Variants in RASA1 observed in about 807,000 individuals in gnomAD.
The protein encoded by RASA1 is RAS p21 protein activator 1.
A neutral mutation model predicts 132.2 loss-of-function variants in RASA1; 25 were observed. The ratio of observed to expected loss-of-function variants is 0.19; its 90% CI spans 0.14 to 0.26. The LOEUF (loss-of-function observed/expected upper bound fraction) is 0.26, where lower values mean the gene tolerates loss of function less well. Ranked by LOEUF, RASA1 falls within the 10% of genes least tolerant of loss-of-function variation. The pLI, the probability that RASA1 is intolerant of heterozygous loss-of-function variation, is 1.00. For missense variants in RASA1, 964 were observed against 1,299.2 expected (o/e 0.74, Z 3.97); for synonymous variants, 477 against 449.9 (o/e 1.06, Z -0.76).
At chr5:87,357,269 T>A (rs1374597662) in intron 9 of RASA1, among the ~76,000 whole-genome samples, 3 of 152,114 alleles carry the variant, frequency 2.0e-5, no homozygotes, top group Non-Finnish European at 4.4e-5. Flanking sequence ...GTGTATTTTT[T>A]AAATAACATG....
chr5:87,372,239 C>CGT, intron 13 of RASA1, 44 bp downstream of exon 13: 1 of 1,546,970 alleles, frequency 6.5e-7, no homozygotes, highest in East Asian at 2.3e-5. Flanking sequence ...ACATTTTGCT[C>CGT]TAACACTTTG....
rs537830383 is a variant in RASA1 at position 87,366,485 on chromosome 5, T to C, written c.1610+2981T>C. On this transcript the variant is annotated intron_variant, in intron 11 of 24. Coordinates refer to ENST00000274376, the MANE Select transcript of RASA1 (RefSeq NM_002890.3). ...AGCACAAGTTGAAGATTGTGAATGA[T>C]TCCTATTCTGGTTAGTAACAAGAAA... The C allele has an allele frequency of 1.6e-5, 4 of 256,670 alleles. No homozygotes were observed. The East Asian group carries it at 3.5e-4, about 23-fold the overall frequency. 15.9% of individuals were successfully genotyped at this position (256,670 alleles called of 1,614,324 possible). A position where few individuals can be genotyped will look rare whatever the true frequency, so the allele number is the denominator to read the frequency against.
chr5:87,316,059 C>T (rs1756310170), intron 1 of RASA1, among the ~76,000 whole-genome samples: 2 of 152,166 alleles, frequency 1.3e-5, no homozygotes, highest in South Asian at 2.1e-4. Context: ...TTTAAACTCA[C>T]ATTTTTGGAT....
intron 7 of RASA1, 27 bp downstream of exon 7, chr5:87,346,751 A>G (rs372279420): frequency 5.8e-5 from 86 of 1,470,906 alleles, no homozygotes; most frequent in Non-Finnish European, 7.3e-5. Flanking sequence ...TTGCTTTTCT[A>G]ATGTCTATTT....
At chr5:87,292,367 CTTTTTTTTT>C (rs76957126) in intron 1 of RASA1, among the ~76,000 whole-genome samples, 1 of 120,226 alleles carries the variant, frequency 8.3e-6, no homozygotes, top group Non-Finnish European at 1.8e-5. Flanking sequence ...TGTTTACATT[CTTTTTTTTT>C]TTTTTTTTGT....
chr5:87,379,037 CAT>C (rs1345930852), intron 18 of RASA1, among the ~76,000 whole-genome samples: 1 of 152,126 alleles, frequency 6.6e-6, no homozygotes, highest in Non-Finnish European at 1.5e-5. Context: ...ATCTCACACA[CAT>C]ATTCTCTCAT....
intron 11 of RASA1, among the ~76,000 whole-genome samples, chr5:87,369,134 T>G (rs576591608): frequency 5.3e-5 from 8 of 152,304 alleles, no homozygotes; most frequent in South Asian, 4.1e-4. Flanking sequence ...TAACATTTAT[T>G]GAGTTCCAAA....
intron 1 of RASA1, among the ~76,000 whole-genome samples, chr5:87,288,585 G>T (rs1223533560): frequency 1.3e-5 from 2 of 152,134 alleles, no homozygotes; most frequent in Non-Finnish European, 2.9e-5. Context: ...CTTATTAAGG[G>T]TTAGCTTGTC....
chr5:87,269,605 A>T (rs1375775358), intron 1 of RASA1, among the ~76,000 whole-genome samples: 2 of 152,320 alleles, frequency 1.3e-5, no homozygotes, highest in Non-Finnish European at 2.9e-5. Context: ...CCAACAATGT[A>T]TCTTCTTCCA....
rs1314567561 is a variant in RASA1 at position 87,391,443 on chromosome 5, TCTG to T, written c.*563_*565del. The stretch of plus-strand genomic sequence containing the variant: ...TTTGCTGTATACTTTTAAAAAATAC[TCTG>T]CTATTTCTCTTGCTGGAACTGTTGA... On this transcript the variant is annotated 3_prime_UTR_variant, in exon 25 of 25. Coordinates refer to ENST00000274376, the MANE Select transcript of RASA1 (RefSeq NM_002890.3). 2.1e-5 allele frequency: 5 copies of T among 242,718 alleles called. No homozygotes were observed. The highest frequency in any genetic ancestry group is 1.5e-4 in the South Asian group (1 of 6,894). 15.0% of individuals were successfully genotyped at this position (242,718 alleles called of 1,614,324 possible).
chr5:87,307,800 CTTGT>C (rs1437824477), intron 1 of RASA1, among the ~76,000 whole-genome samples: 9 of 151,794 alleles, frequency 5.9e-5, no homozygotes, highest in African/African-American at 2.2e-4. Context: ...CATTGATTTA[CTTGT>C]TTGTCTTCTT....
rs543318632 is a variant in RASA1 at position 87,325,171 on chromosome 5, G to C, written c.540-6177G>C. The stretch of plus-strand genomic sequence containing the variant: ...CATCAAGGAGAAGTACTGAGCAAAA[G>C]GGGGAAAAGCCCCTTATAAAACCAT... On this transcript the variant is annotated intron_variant, in intron 1 of 24. Coordinates refer to ENST00000274376, the MANE Select transcript of RASA1 (RefSeq NM_002890.3). Among the ~76,000 whole-genome samples the C allele has an allele frequency of 8.5e-4, 129 of 152,176 alleles. 1 individual carries two copies. The highest frequency in any genetic ancestry group is 1.4e-3 in the Admixed American group (21 of 15,280).
At chr5:87,298,422 A>G (rs1755216124) in intron 1 of RASA1, among the ~76,000 whole-genome samples, 1 of 151,776 alleles carries the variant, frequency 6.6e-6, no homozygotes, top group East Asian at 1.9e-4. Flanking sequence ...CAAAAAAAAA[A>G]AAAAAAAGAA....
At chr5:87,291,994 G>A (rs1754929184) in intron 1 of RASA1, among the ~76,000 whole-genome samples, 1 of 152,104 alleles carries the variant, frequency 6.6e-6, no homozygotes, top group African/African-American at 2.4e-5. Flanking sequence ...GTCTGTTCAG[G>A]TCTTTTGCCC....
intron 1 of RASA1, among the ~76,000 whole-genome samples, chr5:87,287,500 C>CAT: frequency 7.2e-6 from 1 of 139,652 alleles, no homozygotes; most frequent in East Asian, 2.1e-4. Context: ...ATATATACAC[C>CAT]ATATATATAC....
intron 18 of RASA1, among the ~76,000 whole-genome samples, chr5:87,379,222 A>G (rs1192998617): frequency 6.6e-6 from 1 of 152,160 alleles, no homozygotes; most frequent in Non-Finnish European, 1.5e-5. Context: ...TTAATGTTGG[A>G]AATGTGGGGT....
rs558527534 is a variant in RASA1, at chr5:87,361,845, A to AT, written c.1333-697dup. Among the ~76,000 whole-genome samples the AT allele has an allele frequency of 8.3e-3, 1,179 of 142,528 alleles. 17 individuals are homozygous for AT. The highest frequency in any genetic ancestry group is 0.031 in the African/African-American group (1,121 of 35,740). 93.5% of individuals were successfully genotyped at this position (142,528 alleles called of 152,430 possible). A position where few individuals can be genotyped will look rare whatever the true frequency, so the allele number is the denominator to read the frequency against. On this transcript the variant is annotated intron_variant, in intron 9 of 24. Coordinates refer to ENST00000274376, the MANE Select transcript of RASA1 (RefSeq NM_002890.3). ...ATAAATATGTTGCTTAGTTTTATAC[A>AT]TTTTTTTTTAAGAAATATGTACATC... is the stretch of plus-strand genomic sequence containing the variant.
intron 1 of RASA1, among the ~76,000 whole-genome samples, chr5:87,314,360 G>T (rs1015142122): frequency 6.6e-6 from 1 of 152,122 alleles, no homozygotes; most frequent in Admixed American, 6.5e-5. Flanking sequence ...GGGCATAGTT[G>T]TTTCTGGAGA....
At chr5:87,271,739 G>C (rs1369524783) in intron 1 of RASA1, among the ~76,000 whole-genome samples, 1 of 151,832 alleles carries the variant, frequency 6.6e-6, no homozygotes, top group Non-Finnish European at 1.5e-5. Context: ...GCCTCCCGAA[G>C]TGCTGGGATT....
Sources: allele counts gnomAD v4.1 joint callset (sites outside exome capture counted in the v4.1 genomes callset), GRCh38; gene constraint gnomAD v4.1.1; transcripts MANE v1.5; gene names NCBI Gene and HGNC (gene_info 2026-07-23, HGNC 2026-07-21).